The following FSTL5 variants were observed in gnomAD, a reference collection of about 807,000 sequenced individuals.
The protein encoded by FSTL5 is follistatin-related protein 5.
FSTL5 carries 62 observed loss-of-function variants against 89.1 expected under a neutral mutation model. The ratio of observed to expected loss-of-function variants is 0.70; its 90% CI spans 0.57 to 0.86. The LOEUF (loss-of-function observed/expected upper bound fraction) is 0.86, where lower values mean the gene tolerates loss of function less well. Among genes scored for constraint, FSTL5 ranks in the 40% least tolerant of loss-of-function variants. FSTL5 has a pLI of 0.00. For synonymous variants in FSTL5, 383 were observed against 346.2 expected (o/e 1.11, Z -1.18); for missense variants, 1,057 against 1,001.6 (o/e 1.06, Z -0.75).
intron 7 of FSTL5, among the ~76,000 whole-genome samples, chr4:161,590,301 G>A (rs1031927095): frequency 6.6e-6 from 1 of 152,024 alleles, no homozygotes; most frequent in African/African-American, 2.4e-5. Flanking sequence ...ACACTTTGGG[G>A]GCCAAGGCGG....
intron 1 of FSTL5, among the ~76,000 whole-genome samples, chr4:162,160,743 A>AT (rs142684697): frequency 5.9e-5 from 9 of 151,282 alleles, no homozygotes; most frequent in Non-Finnish European, 1.0e-4. Context: ...AGGTATTTTT[A>AT]TTTTTTTCAA....
In FSTL5 at chr4:161,461,269, C is replaced by G. The variant is rs573662931; in HGVS notation, c.1609-1950G>C. 2.8e-5 allele frequency among the ~76,000 whole-genome samples: 4 copies of G among 143,350 alleles called. No individual in the cohort carries two copies. The South Asian group carries it at 6.8e-4, about 24-fold the overall frequency. 94.0% of individuals were successfully genotyped at this position (143,350 alleles called of 152,430 possible). A position where few individuals can be genotyped will look rare whatever the true frequency, so the allele number is the denominator to read the frequency against. ...CAGGAGATAGATACCACGGCGAAAC[C>G]CCGTCTCTACTAAAAATACAAAAAA... On this transcript the variant is annotated intron_variant, in intron 13 of 15. Transcript: ENST00000306100.
chr4:161,986,678 G>C (rs112254776), intron 3 of FSTL5, among the ~76,000 whole-genome samples: 10 of 152,322 alleles, frequency 6.6e-5, no homozygotes, highest in African/African-American at 2.4e-4. Context: ...TAGGATAACT[G>C]AATGGAGAGT....
intron 13 of FSTL5, among the ~76,000 whole-genome samples, chr4:161,468,660 A>AT (rs1425479571): frequency 6.6e-6 from 1 of 151,712 alleles, no homozygotes; most frequent in Non-Finnish European, 1.5e-5. Flanking sequence ...TCATAAAATC[A>AT]TTTTTTCTTG....
intron 2 of FSTL5, among the ~76,000 whole-genome samples, chr4:162,073,185 C>T (rs527926781): frequency 2.0e-5 from 3 of 151,606 alleles, no homozygotes; most frequent in Non-Finnish European, 2.9e-5. Context: ...ATATTAACAT[C>T]CCATTATCTT....
chr4:161,560,429 A>C (rs1019260866), intron 8 of FSTL5, among the ~76,000 whole-genome samples: 5 of 151,660 alleles, frequency 3.3e-5, no homozygotes, highest in Non-Finnish European at 7.4e-5. Context: ...TTCAATAATA[A>C]ATTTTCCTTA....
intron 5 of FSTL5, among the ~76,000 whole-genome samples, chr4:161,761,441 T>C (rs1740799500): frequency 6.6e-6 from 1 of 152,208 alleles, no homozygotes; most frequent in Non-Finnish European, 1.5e-5. Context: ...ATTGTGGTAA[T>C]ATTTAGGATG....
intron 7 of FSTL5, among the ~76,000 whole-genome samples, chr4:161,650,576 G>T (rs1047606884): frequency 6.6e-6 from 1 of 151,902 alleles, no homozygotes; most frequent in Non-Finnish European, 1.5e-5. Flanking sequence ...ATTTGGTATC[G>T]AACATGATCA....
At chr4:161,979,382 G>T (rs1735751792) in intron 3 of FSTL5, among the ~76,000 whole-genome samples, 1 of 152,110 alleles carries the variant, frequency 6.6e-6, no homozygotes, top group African/African-American at 2.4e-5. Context: ...ACATAAGAGT[G>T]TATAAGACTG....
At chr4:161,734,359 T>A (rs1409332651) in intron 6 of FSTL5, among the ~76,000 whole-genome samples, 1 of 152,144 alleles carries the variant, frequency 6.6e-6, no homozygotes, top group African/African-American at 2.4e-5. Context: ...TACACCACAT[T>A]GAAGCAATAT....
chr4:162,014,995 T>A (rs1484684176), intron 3 of FSTL5, among the ~76,000 whole-genome samples: 5 of 152,168 alleles, frequency 3.3e-5, no homozygotes, highest in African/African-American at 9.7e-5. Flanking sequence ...GAAGAACCCA[T>A]TGCAGATCAA....
chr4:161,426,958 T>A (rs1169323544), intron 15 of FSTL5, among the ~76,000 whole-genome samples: 11 of 152,192 alleles, frequency 7.2e-5, no homozygotes, highest in Admixed American at 7.2e-4. Flanking sequence ...TTTAATGGTC[T>A]AAATCAATTG....
chr4:161,835,972 A>G (rs575144615), intron 4 of FSTL5, among the ~76,000 whole-genome samples: 2 of 152,086 alleles, frequency 1.3e-5, no homozygotes, highest in Non-Finnish European at 2.9e-5. Flanking sequence ...CCAAAGGACT[A>G]TAAATCATGC....
chr4:161,483,894 G>T (rs770490585), intron 12 of FSTL5, among the ~76,000 whole-genome samples: 3 of 151,956 alleles, frequency 2.0e-5, no homozygotes, highest in Non-Finnish European at 4.4e-5. Flanking sequence ...GAATAAATAA[G>T]ATATTAAACT....
At chr4:161,748,605 CGTTTTT>C (rs1303628241) in intron 6 of FSTL5, among the ~76,000 whole-genome samples, 6 of 105,222 alleles carry the variant, frequency 5.7e-5, no homozygotes, top group African/African-American at 2.2e-4. Context: ...AGGGGAAGCA[CGTTTTT>C]TTTTTTTTTT....
At chr4:162,009,643 G>A (rs972744772) in intron 3 of FSTL5, among the ~76,000 whole-genome samples, 1 of 151,752 alleles carries the variant, frequency 6.6e-6, no homozygotes, top group Non-Finnish European at 1.5e-5. Flanking sequence ...ACACTTAAAG[G>A]TATTAACTCA....
chr4:161,386,955 A>G lies in FSTL5; in HGVS notation c.1842-506T>C, dbSNP rs74689484. 3.3e-3 allele frequency: 511 copies of G among 155,146 alleles called. 12 individuals are homozygous for G. In the East Asian group the frequency reaches 0.055, roughly 17 times the overall value. 9.6% of individuals were successfully genotyped at this position (155,146 alleles called of 1,614,324 possible). On this transcript the variant is annotated intron_variant, in intron 15 of 15. Transcript: ENST00000306100. ...AAGTATAACATTTTTCAACCTTTCAATGTTTATATGTTATTTTTAATGATA... is the reference window on the plus strand; with the variant it reads ...AAGTATAACATTTTTCAACCTTTCAGTGTTTATATGTTATTTTTAATGATA...
rs377022552 is a variant in FSTL5, at chr4:162,149,873, CAT to C, written c.-17+13740_-17+13741del. 1.5e-3 allele frequency among the ~76,000 whole-genome samples: 225 copies of C among 152,126 alleles called. 1 individual carries two copies. Among genetic ancestry groups the C allele is most frequent in the African/African-American group, 5.2e-3 (217 of 41,514 alleles). On this transcript the variant is annotated intron_variant, in intron 1 of 15. Coordinates refer to ENST00000306100, the MANE Select transcript of FSTL5 (RefSeq NM_020116.5). Reference sequence around the variant, plus strand: ...TTTGACATCTGTTACTAAGAAAAAACATGTGGAGTATGCCTGAAATAGAAGTT... The same window carrying C: ...TTTGACATCTGTTACTAAGAAAAAACGTGGAGTATGCCTGAAATAGAAGTT...
At chr4:162,163,410 A>G (rs1733763410) in intron 1 of FSTL5, among the ~76,000 whole-genome samples, 1 of 149,010 alleles carries the variant, frequency 6.7e-6, no homozygotes, top group Admixed American at 6.7e-5. Flanking sequence ...TCTAGAATTT[A>G]GTGCATAATC....
Sources: allele counts gnomAD v4.1 joint callset (sites outside exome capture counted in the v4.1 genomes callset), GRCh38; gene constraint gnomAD v4.1.1; transcripts MANE v1.5; gene names NCBI Gene and HGNC (gene_info 2026-07-23, HGNC 2026-07-21).